SORCS2: variants seen among roughly 807,000 people sequenced by gnomAD.
SORCS2 encodes the protein VPS10 domain-containing receptor SorCS2.
A neutral mutation model predicts 141.6 loss-of-function variants in SORCS2; 100 were observed. The ratio of observed to expected loss-of-function variants is 0.71; its 90% CI spans 0.60 to 0.83. The LOEUF (loss-of-function observed/expected upper bound fraction) is 0.83, where lower values mean the gene tolerates loss of function less well. SORCS2 is among the 40% of genes least tolerant of loss of function. SORCS2 has a pLI of 0.00. For missense variants in SORCS2, 1,646 were observed against 1,560.2 expected (o/e 1.05, Z -0.93); for synonymous variants, 789 against 676.9 (o/e 1.17, Z -2.57).
intron 8 of SORCS2, among the ~76,000 whole-genome samples, chr4:7,675,780 G>T (rs955734358): frequency 3.9e-5 from 6 of 152,156 alleles, no homozygotes; most frequent in Admixed American, 2.0e-4. Flanking sequence ...AGGAGGAGGT[G>T]TCCCCAGGCC....
chr4:7,471,641 C>A (rs936873142), intron 2 of SORCS2, among the ~76,000 whole-genome samples: 1 of 152,214 alleles, frequency 6.6e-6, no homozygotes, highest in Non-Finnish European at 1.5e-5. Flanking sequence ...AGGGTGGAAC[C>A]AGGTGCGTCC....
intron 12 of SORCS2, among the ~76,000 whole-genome samples, chr4:7,698,574 TAGA>T (rs1314407986): frequency 6.6e-6 from 1 of 152,226 alleles, no homozygotes; most frequent in African/African-American, 2.4e-5. Flanking sequence ...CAGGGTGAAA[TAGA>T]AGGTGTTCTG....
chr4:7,217,192 G>A (rs1204834912), intron 1 of SORCS2, among the ~76,000 whole-genome samples: 1 of 152,114 alleles, frequency 6.6e-6, no homozygotes, highest in Non-Finnish European at 1.5e-5. Flanking sequence ...CTCCTTGTCA[G>A]GTTCCTCCGC....
chr4:7,655,751 G>A (rs748697174), intron 5 of SORCS2, among the ~76,000 whole-genome samples: 5 of 152,218 alleles, frequency 3.3e-5, no homozygotes, highest in Admixed American at 6.5e-5. Flanking sequence ...GGGCCTGAGC[G>A]CTCGCAGAGG....
rs1225100103 is a variant in SORCS2, at chr4:7,723,883, T to C, written c.2611T>C (p.Ser871Pro). 6.3e-7 allele frequency: 1 copy of C among 1,599,776 alleles called. No homozygotes were observed. Among genetic ancestry groups the C allele is most frequent in the Non-Finnish European group, 8.5e-7 (1 of 1,176,356 alleles). Residue 871 changes from serine to proline, a missense_variant and splice_region_variant, in exon 19 of 27, where the codon TCC (serine) becomes CCC (proline). Physicochemically the swap from Ser to Pro is moderately conservative, Grantham distance 74. Transcript: ENST00000507866. Reference protein sequence around the residue: ...DEAVLFVQVNSPLQALYLEVV... With the variant: ...DEAVLFVQVNPPLQALYLEVV... ...GGCGGTGCTCTTTGTCCAGGTCAAC[T>C]GTAAGTTTATTGCCCCTTTGAGGCC...
chr4:7,493,721 G>A (rs1731443181), intron 2 of SORCS2, among the ~76,000 whole-genome samples: 1 of 152,222 alleles, frequency 6.6e-6, no homozygotes, highest in African/African-American at 2.4e-5. Context: ...GTCAGAGAGA[G>A]AACACGCGGA....
chr4:7,400,949 G>A (rs1481965362), intron 2 of SORCS2, among the ~76,000 whole-genome samples: 1 of 151,832 alleles, frequency 6.6e-6, no homozygotes, highest in Non-Finnish European at 1.5e-5. Context: ...ATAGATAGAT[G>A]GATAGATGAA....
intron 1 of SORCS2, among the ~76,000 whole-genome samples, chr4:7,213,339 G>T (rs1269860782): frequency 6.6e-6 from 1 of 152,180 alleles, no homozygotes; most frequent in African/African-American, 2.4e-5. Context: ...AAGCTGTCTT[G>T]GGAGAGCTGG....
At chr4:7,530,061 T>C (rs572340741) in intron 2 of SORCS2, among the ~76,000 whole-genome samples, 1 of 152,332 alleles carries the variant, frequency 6.6e-6, no homozygotes, top group African/African-American at 2.4e-5. Flanking sequence ...GTGGCCAGCA[T>C]GCCCAGAGAT....
At chr4:7,318,045 G>T (rs1718673299) in intron 1 of SORCS2, among the ~76,000 whole-genome samples, 1 of 152,230 alleles carries the variant, frequency 6.6e-6, no homozygotes, top group Non-Finnish European at 1.5e-5. Context: ...AGGACGCAGG[G>T]CAGACAGTCG....
At position 7,723,677 on chromosome 4, in the gene SORCS2, C is replaced by T. The variant is rs1239811697; in HGVS notation, c.2425-20C>T. 1 of 1,613,530 alleles carries T rather than the reference C, an allele frequency of 6.2e-7. No homozygotes were observed. Among genetic ancestry groups the T allele is most frequent in the Admixed American group, 1.7e-5 (1 of 59,936 alleles). ...GCTTCAAGGCCCACTCCTGAGTGGCCACATGGTGTTTCTCTGCAGGGTGAT... is the reference window on the plus strand; with the variant it reads ...GCTTCAAGGCCCACTCCTGAGTGGCTACATGGTGTTTCTCTGCAGGGTGAT... On this transcript the variant is annotated intron_variant, in intron 18 of 26. Transcript: ENST00000507866.
intron 3 of SORCS2, among the ~76,000 whole-genome samples, chr4:7,533,543 G>C (rs978900556): frequency 2.0e-5 from 3 of 152,274 alleles, no homozygotes; most frequent in African/African-American, 7.2e-5. Flanking sequence ...GGGACACTCC[G>C]CTCCTGTCTT....
At chr4:7,355,009 A>T (rs12507600) in intron 1 of SORCS2, among the ~76,000 whole-genome samples, 2 of 148,604 alleles carry the variant, frequency 1.3e-5, no homozygotes, top group African/African-American at 4.9e-5. Context: ...AGAAAAGCAC[A>T]TACATACACA....
chr4:7,632,617 C>T (rs902604706), intron 3 of SORCS2, among the ~76,000 whole-genome samples: 2 of 152,196 alleles, frequency 1.3e-5, no homozygotes, highest in African/African-American at 4.8e-5. Flanking sequence ...ACCTGCAAAG[C>T]CCAGGGCCTA....
At position 7,459,072 on chromosome 4, in the gene SORCS2, C is replaced by T. The variant is rs190009607; in HGVS notation, c.548+62717C>T. On this transcript the variant is annotated intron_variant, in intron 2 of 26. Coordinates refer to ENST00000507866, the MANE Select transcript of SORCS2 (RefSeq NM_020777.3). ...AGGCCACGTCCTCCCCGATATTGCT[C>T]CCCTGGGCTGGGGGCACACTCTTCT... 2.0e-5 allele frequency among the ~76,000 whole-genome samples: 3 copies of T among 151,152 alleles called. No homozygotes were observed. The East Asian group carries it at 5.8e-4, about 29-fold the overall frequency.
intron 5 of SORCS2, among the ~76,000 whole-genome samples, chr4:7,656,452 TG>T (rs1721784355): frequency 6.6e-6 from 1 of 152,252 alleles, no homozygotes; most frequent in Non-Finnish European, 1.5e-5. Context: ...CAGCAGCCCA[TG>T]CGGGTCTCCC....
intron 2 of SORCS2, among the ~76,000 whole-genome samples, chr4:7,442,738 C>G (rs1223726396): frequency 6.6e-6 from 1 of 151,000 alleles, no homozygotes; most frequent in Non-Finnish European, 1.5e-5. Context: ...CCAGCCCAGC[C>G]CCAGCACGTG....
intron 10 of SORCS2, among the ~76,000 whole-genome samples, chr4:7,687,293 A>G (rs1723941074): frequency 6.6e-6 from 1 of 152,150 alleles, no homozygotes; most frequent in East Asian, 1.9e-4. Context: ...GCCTACCAAG[A>G]TCACAGCAGC....
At chr4:7,681,476 A>G (rs1253743463) in intron 9 of SORCS2, among the ~76,000 whole-genome samples, 1 of 152,254 alleles carries the variant, frequency 6.6e-6, no homozygotes, top group Non-Finnish European at 1.5e-5. Flanking sequence ...CGGTGCCTCT[A>G]GAAGCTGGAA....
Sources: allele counts gnomAD v4.1 joint callset (sites outside exome capture counted in the v4.1 genomes callset), GRCh38; gene constraint gnomAD v4.1.1; transcripts MANE v1.5; gene names NCBI Gene and HGNC (gene_info 2026-07-23, HGNC 2026-07-21).